Variants in TACC3 observed in about 807,000 individuals in gnomAD.
The protein encoded by TACC3 is transforming acidic coiled-coil containing protein 3.
TACC3 carries 52 observed loss-of-function variants against 86.0 expected under a neutral mutation model. The observed-to-expected ratio is 0.60, with a 90% CI of 0.48 to 0.76. The LOEUF is 0.76. Ranked by LOEUF, TACC3 falls within the 30% of genes least tolerant of loss-of-function variation. The pLI is 0.00. For synonymous variants in TACC3, 512 were observed against 430.0 expected (o/e 1.19, Z -2.36); for missense variants, 1,120 against 1,070.4 (o/e 1.05, Z -0.65).
intron 6 of TACC3, among the ~76,000 whole-genome samples, chr4:1,732,276 T>G (rs563243982): frequency 1.2e-3 from 171 of 146,794 alleles, no homozygotes; most frequent in Non-Finnish European, 1.7e-3. Context: ...TCCGTAAGAT[T>G]GGAGGCTGCA....
chr4:1,734,302 C>T (rs576235014), intron 6 of TACC3, among the ~76,000 whole-genome samples: 15 of 152,236 alleles, frequency 9.9e-5, no homozygotes, highest in African/African-American at 3.6e-4. Flanking sequence ...ATTCTCCTGC[C>T]TCAGCCTCCC....
chr4:1,722,227 C>G (rs1378177126), intron 1 of TACC3, among the ~76,000 whole-genome samples: 1 of 152,190 alleles, frequency 6.6e-6, no homozygotes, highest in African/African-American at 2.4e-5. Flanking sequence ...AAGGCCCCTC[C>G]TGACTAAGGC....
At chr4:1,727,404 A>G (rs1717741079) in intron 3 of TACC3, among the ~76,000 whole-genome samples, 1 of 152,200 alleles carries the variant, frequency 6.6e-6, no homozygotes, top group South Asian at 2.1e-4. Context: ...GATGAGCACA[A>G]TTAAACAGGC....
In TACC3 at chr4:1,734,342, C is replaced by T. The variant is rs114778391; in HGVS notation, c.1592-931C>T. 4.4e-3 allele frequency among the ~76,000 whole-genome samples: 665 copies of T among 152,090 alleles called. 6 individuals carry two copies. Among genetic ancestry groups the T allele is most frequent in the Middle Eastern group, 0.01 (3 of 294 alleles). On this transcript the variant is annotated intron_variant, in intron 6 of 15. Coordinates refer to ENST00000313288, the MANE Select transcript of TACC3 (RefSeq NM_006342.3). Reference sequence around the variant, plus strand: ...AGCTGGGATTACAGGCTCATGCCACCGTGCCCAACTAATTTTTGCATTTTT... The same window carrying T: ...AGCTGGGATTACAGGCTCATGCCACTGTGCCCAACTAATTTTTGCATTTTT...
upstream of TACC3, chr4:1,720,869 C>A: frequency 1.3e-6 from 2 of 1,546,192 alleles, no homozygotes; most frequent in Non-Finnish European, 1.7e-6. The surrounding 1 kb of genome is among the most constrained non-coding windows in gnomAD (Gnocchi z 4.4). Context: ...TCGAGCTAGG[C>A]CCCCGCCCCG....
At chr4:1,743,260 A>G (rs1273952457) in intron 13 of TACC3, among the ~76,000 whole-genome samples, 15 of 55,334 alleles carry the variant, frequency 2.7e-4, no homozygotes, top group African/African-American at 8.9e-4. Context: ...GTCTCAAAAA[A>G]AAAAAAAAAA....
chr4:1,739,716 G>C lies in TACC3; in HGVS notation c.1956G>C (p.Gln652His), dbSNP rs1291836013. 6.3e-7 allele frequency: 1 copy of C among 1,584,230 alleles called. No individual in the cohort carries two copies. The highest frequency in any genetic ancestry group is 1.3e-5 in the African/African-American group (1 of 74,270). Residue 652 changes from glutamine to histidine, a missense_variant, in exon 11 of 16, where the codon CAG (glutamine) becomes CAC (histidine). Transcript: ENST00000313288. ...GGCCTGAGCAGGTAAAGGCGACACA[G>C]GAGGAGAACCGGGAGCTGAGGAGCA... ...KDLDAVVKAT[Q>H]EENRELRSRC...
intron 4 of TACC3, 110 bp from the exon 5 acceptor site, chr4:1,730,770 TGTTCACG>T: frequency 8.5e-7 from 1 of 1,182,378 alleles, no homozygotes; most frequent in Non-Finnish European, 1.2e-6. Context: ...TCTAGCTGAA[TGTTCACG>T]TGGCCGGCAC....
At chr4:1,732,553 TATAAGA>T (rs1182700773) in intron 6 of TACC3, among the ~76,000 whole-genome samples, 1 of 145,500 alleles carries the variant, frequency 6.9e-6, no homozygotes, top group African/African-American at 2.6e-5. Context: ...GCCAGGTGGG[TATAAGA>T]TCTCAATTTA....
chr4:1,738,032 C>G, intron 10 of TACC3: 2 of 403,032 alleles, frequency 5.0e-6, no homozygotes, highest in South Asian at 4.0e-5. Context: ...CGCCCCTTTC[C>G]TCCCGCCCTC....
At position 1,727,682 on chromosome 4, in the gene TACC3, C is replaced by T. The variant is rs752518648; in HGVS notation, c.306-26C>T. 66 of 1,547,534 alleles carry T rather than the reference C, an allele frequency of 4.3e-5. No homozygotes were observed. In the Admixed American group the frequency reaches 9.4e-4, roughly 22 times the overall value. On this transcript the variant is annotated intron_variant, in intron 3 of 15. Coordinates refer to ENST00000313288, the MANE Select transcript of TACC3 (RefSeq NM_006342.3). ...TAACCTCACCAGGTACTCGCTGCTT[C>T]ACGTTGATTAAGTCTCTTTTAAAAG...
chr4:1,721,398 A>C (rs1717343355), upstream of TACC3: 1 of 150,928 alleles, frequency 6.6e-6, no homozygotes, highest in African/African-American at 2.4e-5. Context: ...GGGAGGGCGG[A>C]GCCGGCGAGG....
Position 1,735,933 on chromosome 4 carries a change from G to C in TACC3, c.1748+99G>C. 1.2e-6 allele frequency: 1 copy of C among 864,826 alleles called. No homozygotes were observed. The highest frequency in any genetic ancestry group is 1.8e-6 in the Non-Finnish European group (1 of 559,882). 53.6% of individuals were successfully genotyped at this position (864,826 alleles called of 1,614,324 possible). On this transcript the variant is annotated intron_variant, in intron 8 of 15. Coordinates refer to ENST00000313288, the MANE Select transcript of TACC3 (RefSeq NM_006342.3). This position sits in a 1 kb window ranked among gnomAD's most constrained non-coding sequence, Gnocchi z 4.2. The stretch of plus-strand genomic sequence containing the variant: ...GTCTGCACAGAGGCTTCTAGACCGG[G>C]GGGAGATGATCAGAACTGGAAAGGA...
chr4:1,741,488 G>C (rs1412604512), intron 13 of TACC3: 1 of 152,768 alleles, frequency 6.5e-6, no homozygotes, highest in Non-Finnish European at 1.5e-5. Context: ...AGGCCCACAT[G>C]CTTGCTGGAA....
In TACC3 at chr4:1,721,648, G is replaced by C. The variant is rs1207619448; in HGVS notation, c.-2+5G>C. ...CGGCAACGGGCGGGCGGGCAGGTAG[G>C]AGAGCGGCTACACGGCGCGGGGAGG... On this transcript the variant is annotated splice_donor_5th_base_variant and intron_variant, in intron 1 of 15. Transcript: ENST00000313288. The C allele has an allele frequency of 1.3e-5, 2 of 152,294 alleles. No homozygotes were observed. Among genetic ancestry groups the C allele is most frequent in the African/African-American group, 2.4e-5 (1 of 41,408 alleles). The allele number at this position is 152,294 out of a possible 1,614,324, so 9.4% of individuals were successfully genotyped here.
intron 10 of TACC3, 93 bp downstream of exon 10, chr4:1,737,795 ATCCCTG>A (rs1426085575): frequency 2.6e-5 from 12 of 455,210 alleles, no homozygotes; most frequent in South Asian, 4.8e-5. Flanking sequence ...CTGACCCGCC[ATCCCTG>A]CCATCCCTGC....
intron 13 of TACC3, among the ~76,000 whole-genome samples, chr4:1,743,341 T>C (rs1407926980): frequency 6.8e-6 from 1 of 147,238 alleles, no homozygotes; most frequent in Non-Finnish European, 1.5e-5. Context: ...GATCACGAGA[T>C]CAGGAGTTTG....
intron 5 of TACC3, 42 bp from the exon 6 acceptor site, chr4:1,731,130 C>T: frequency 6.2e-7 from 1 of 1,608,754 alleles, no homozygotes. Context: ...ACCCCAAGTA[C>T]CTTGACTGCA....
intron 13 of TACC3, among the ~76,000 whole-genome samples, chr4:1,743,397 A>G (rs774331635): frequency 6.6e-6 from 1 of 151,748 alleles, no homozygotes; most frequent in Non-Finnish European, 1.5e-5. Context: ...TTCTAAAGAT[A>G]CAAAAATTAG....
Sources: allele counts gnomAD v4.1 joint callset (sites outside exome capture counted in the v4.1 genomes callset), GRCh38; gene constraint gnomAD v4.1.1; non-coding constraint Gnocchi (gnomAD v3.1); transcripts MANE v1.5; gene names NCBI Gene and HGNC (gene_info 2026-07-23, HGNC 2026-07-21).